Variants in DRD2 observed in about 807,000 individuals in gnomAD.
The protein encoded by DRD2 is dopamine receptor D2, also known as D(2) dopamine receptor.
Under a neutral mutation model 38.0 loss-of-function variants are expected in DRD2, and 8 were observed. The observed-to-expected ratio is 0.21, with a 90% CI of 0.12 to 0.38. The LOEUF (loss-of-function observed/expected upper bound fraction) is 0.38. DRD2 is among the 10% of genes least tolerant of loss of function. DRD2 has a pLI of 1.00. For synonymous variants in DRD2, 230 were observed against 238.6 expected, an observed-to-expected ratio of 0.96 and a Z score of 0.33; for missense variants, 403 against 607.7, an observed-to-expected ratio of 0.66 and a Z score of 3.54.
At chr11:113,466,426 C>T (rs911440320) in intron 1 of DRD2, among the ~76,000 whole-genome samples, 1 of 52,990 alleles carries the variant, frequency 1.9e-5, no homozygotes, top group African/African-American at 3.3e-5. Flanking sequence ...CCTCAACAGC[C>T]CCCCCAGTGC....
chr11:113,430,508 G>A lies in DRD2; in HGVS notation c.-31-5826C>T, dbSNP rs185960343. Reference sequence around the variant, plus strand: ...ATTGTAGAGTGGATAGCAATACAGGGCCTTCCCAGCATTTCTAAGCTGGTA... The same window carrying A: ...ATTGTAGAGTGGATAGCAATACAGGACCTTCCCAGCATTTCTAAGCTGGTA... On this transcript the variant is annotated intron_variant, in intron 1 of 7. Coordinates refer to ENST00000362072, the MANE Select transcript of DRD2 (RefSeq NM_000795.4). Among the ~76,000 whole-genome samples the A allele has an allele frequency of 3.5e-3, 529 of 152,296 alleles. 3 individuals are homozygous for A. Among genetic ancestry groups the A allele is most frequent in the African/African-American group, 0.012 (510 of 41,566 alleles).
chr11:113,432,757 C>A (rs1398606394), intron 1 of DRD2, among the ~76,000 whole-genome samples: 1 of 152,194 alleles, frequency 6.6e-6, no homozygotes, highest in East Asian at 1.9e-4. Flanking sequence ...CTGCCCCTAC[C>A]CCTCCAGGCA....
In DRD2 at chr11:113,449,826, C is replaced by T. The variant is rs569838973; in HGVS notation, c.-31-25144G>A. ...AGCCAGAGAGAGACTACCAGAGAAGCGAAAATTCACCCCAAAGTCAGAGCA... is the reference window on the plus strand; with the variant it reads ...AGCCAGAGAGAGACTACCAGAGAAGTGAAAATTCACCCCAAAGTCAGAGCA... On this transcript the variant is annotated intron_variant, in intron 1 of 7. Transcript: ENST00000362072. 1.2e-3 allele frequency among the ~76,000 whole-genome samples: 182 copies of T among 152,242 alleles called. 1 individual carries two copies. The highest frequency in any genetic ancestry group is 4.1e-3 in the African/African-American group (170 of 41,544).
intron 1 of DRD2, among the ~76,000 whole-genome samples, chr11:113,471,630 CT>C (rs1343041118): frequency 7.2e-5 from 11 of 152,132 alleles, no homozygotes; most frequent in Non-Finnish European, 1.5e-4. Context: ...AGCAGAGTAC[CT>C]GGTAGGATGG....
At chr11:113,470,096 T>C (rs867624962) in intron 1 of DRD2, among the ~76,000 whole-genome samples, 2 of 152,156 alleles carry the variant, frequency 1.3e-5, no homozygotes, top group Non-Finnish European at 2.9e-5. Context: ...CACTTTCCCA[T>C]ATCAAGAGTT....
chr11:113,439,819 A>T (rs1951070582), intron 1 of DRD2, among the ~76,000 whole-genome samples: 1 of 117,096 alleles, frequency 8.5e-6, no homozygotes. Context: ...AGCCTGGGTG[A>T]CAGAGGGAGG....
intron 1 of DRD2, among the ~76,000 whole-genome samples, chr11:113,459,336 A>T (rs150033675): frequency 1.3e-5 from 2 of 152,182 alleles, no homozygotes; most frequent in Non-Finnish European, 2.9e-5. Context: ...GTCACCCCCA[A>T]TGCAGCTCTG....
At chr11:113,414,218 G>A in intron 6 of DRD2, 157 bp downstream of exon 6, 2 of 772,328 alleles carry the variant, frequency 2.6e-6, no homozygotes, top group South Asian at 1.4e-5. Flanking sequence ...ATGCCTGCTT[G>A]GAGGTGTGCA....
chr11:113,409,715 G>A lies in DRD2; in HGVS notation c.*1012C>T, dbSNP rs1950748347. 6.5e-6 allele frequency: 1 copy of A among 153,196 alleles called. No homozygotes were observed. The highest frequency in any genetic ancestry group is 1.5e-5 in the Non-Finnish European group (1 of 68,490). The allele number at this position is 153,196 out of a possible 1,614,324, so 9.5% of individuals were successfully genotyped here. ...GCTGCAGCTTCCCCTCCTTCCTCAG[G>A]GCAGGGCCAGGCCAGGCCAGATGGT... On this transcript the variant is annotated 3_prime_UTR_variant, in exon 8 of 8. Transcript: ENST00000362072.
chr11:113,421,495 G>A (rs1424706770), intron 2 of DRD2, among the ~76,000 whole-genome samples: 1 of 152,118 alleles, frequency 6.6e-6, no homozygotes, highest in Admixed American at 6.5e-5. Context: ...GGGTTGTGAG[G>A]CTGACATGGA....
At chr11:113,424,740 A>C (rs1008310255) in intron 1 of DRD2, 58 bp from the exon 2 acceptor site, 1 of 1,526,050 alleles carries the variant, frequency 6.6e-7, no homozygotes, top group East Asian at 2.3e-5. Flanking sequence ...AGAGGTCTCC[A>C]GGAAGAAGAC....
Position 113,424,176 on chromosome 11 carries a change from G to A in DRD2, c.285+191C>T, listed in dbSNP as rs2075652. ...GCACTTAGTAAGCACTTTACAAATG[G>A]TAGTTGGGATTATTAAGGAAACAAT... On this transcript the variant is annotated intron_variant, in intron 2 of 7. Coordinates refer to ENST00000362072, the MANE Select transcript of DRD2 (RefSeq NM_000795.4). Among the ~76,000 whole-genome samples the A allele has an allele frequency of 0.046, 6,943 of 152,286 alleles. 596 individuals carry two copies. Among genetic ancestry groups the A allele is most frequent in the East Asian group, 0.39 (2,003 of 5,174 alleles).
At chr11:113,435,378 G>A (rs576582623) in intron 1 of DRD2, among the ~76,000 whole-genome samples, 2 of 152,162 alleles carry the variant, frequency 1.3e-5, no homozygotes, top group East Asian at 3.9e-4. Context: ...CGGGGTGGTG[G>A]CGGTGCTGTT....
chr11:113,457,141 G>A (rs1951275438), intron 1 of DRD2, among the ~76,000 whole-genome samples: 1 of 152,150 alleles, frequency 6.6e-6, no homozygotes, highest in African/African-American at 2.4e-5. Flanking sequence ...TAGCGGCCGG[G>A]AAGACAGACC....
chr11:113,415,643 G>A (rs1365656036), intron 4 of DRD2, 32 bp from the exon 5 acceptor site: 5 of 1,588,126 alleles, frequency 3.1e-6, no homozygotes, highest in Non-Finnish European at 4.3e-6. Context: ...CAGGCAGGGA[G>A]TCAGCGGGCC....
chr11:113,413,031 G>A, intron 6 of DRD2, 148 bp from the exon 7 acceptor site: 1 of 924,888 alleles, frequency 1.1e-6, no homozygotes, highest in African/African-American at 1.6e-5. Context: ...TGTCACTGAG[G>A]CATGGGACCC....
At chr11:113,431,157 C>A (rs112251093) in intron 1 of DRD2, among the ~76,000 whole-genome samples, 92 of 152,272 alleles carry the variant, frequency 6.0e-4, no homozygotes, top group African/African-American at 2.0e-3. Flanking sequence ...TAGTGAGCAC[C>A]AAATACATGC....
intron 1 of DRD2, among the ~76,000 whole-genome samples, chr11:113,462,911 C>T (rs1951336672): frequency 6.6e-6 from 1 of 152,040 alleles, no homozygotes; most frequent in South Asian, 2.1e-4. Flanking sequence ...CTTCTCCTGC[C>T]CCCTCCCTTC....
intron 1 of DRD2, among the ~76,000 whole-genome samples, chr11:113,459,500 A>T (rs540158683): frequency 6.6e-6 from 1 of 152,176 alleles, no homozygotes; most frequent in Non-Finnish European, 1.5e-5. Context: ...TGAGACTAGA[A>T]CCTAAGACTC....
Sources: allele counts gnomAD v4.1 joint callset (sites outside exome capture counted in the v4.1 genomes callset), GRCh38; gene constraint gnomAD v4.1.1; transcripts MANE v1.5; gene names NCBI Gene and HGNC (gene_info 2026-07-23, HGNC 2026-07-21).